Variants in PTPRD observed in about 807,000 individuals in gnomAD.
The protein encoded by PTPRD is receptor-type tyrosine-protein phosphatase delta.
Under a neutral mutation model 214.5 loss-of-function variants are expected in PTPRD, and 34 were observed. The ratio of observed to expected loss-of-function variants is 0.16; its 90% CI spans 0.12 to 0.21. PTPRD has a LOEUF of 0.21. Ranked by LOEUF, PTPRD falls within the 10% of genes least tolerant of loss-of-function variation. PTPRD has a pLI of 1.00. For synonymous variants in PTPRD, 1,128 were observed against 845.7 expected (o/e 1.33, Z -5.79); for missense variants, 2,545 against 2,398.7 (o/e 1.06, Z -1.27).
rs577129395 is a variant in PTPRD at position 10,552,956 on chromosome 9, T to C, written c.-600+59442A>G. 3.3e-5 allele frequency among the ~76,000 whole-genome samples: 5 copies of C among 152,318 alleles called. 1 individual carries two copies. The East Asian group carries it at 9.7e-4, about 29-fold the overall frequency. On this transcript the variant is annotated intron_variant, in intron 2 of 45. Transcript: ENST00000381196. Reference sequence around the variant, plus strand: ...ACGTTGCTTGATATAGTAGTCTTGATGATGGAGTTTATGATGACTATTTGT... The same window carrying C: ...ACGTTGCTTGATATAGTAGTCTTGACGATGGAGTTTATGATGACTATTTGT...
chr9:8,927,984 G>T (rs760808406), intron 11 of PTPRD, among the ~76,000 whole-genome samples: 4 of 151,762 alleles, frequency 2.6e-5, no homozygotes, highest in Non-Finnish European at 5.9e-5. Context: ...TTTCATATTT[G>T]TTGGCCACAT....
chr9:9,798,082 G>C (rs1463393981), intron 5 of PTPRD, among the ~76,000 whole-genome samples: 1 of 152,048 alleles, frequency 6.6e-6, no homozygotes, highest in Non-Finnish European at 1.5e-5. Flanking sequence ...ACAAGGAAGG[G>C]AAATAAAACA....
intron 11 of PTPRD, among the ~76,000 whole-genome samples, chr9:8,929,783 G>A (rs1211203965): frequency 4.3e-5 from 5 of 116,046 alleles, no homozygotes; most frequent in African/African-American, 1.9e-4. Flanking sequence ...ATATATGGGT[G>A]TGTATATATG....
intron 3 of PTPRD, among the ~76,000 whole-genome samples, chr9:10,038,711 A>G (rs1470231800): frequency 6.6e-6 from 1 of 152,096 alleles, no homozygotes; most frequent in Non-Finnish European, 1.5e-5. Flanking sequence ...CAGTTGCACA[A>G]ATCAGATAAT....
At chr9:10,171,815 G>A (rs1479626919) in intron 3 of PTPRD, among the ~76,000 whole-genome samples, 2 of 152,164 alleles carry the variant, frequency 1.3e-5, no homozygotes, top group African/African-American at 4.8e-5. Flanking sequence ...GAGCCACCGC[G>A]CCTGGCCTGG....
At chr9:9,670,864 G>A (rs990054354) in intron 7 of PTPRD, among the ~76,000 whole-genome samples, 1 of 152,160 alleles carries the variant, frequency 6.6e-6, no homozygotes, top group African/African-American at 2.4e-5. Context: ...TTGTTGCAGG[G>A]GCAGTGCACT....
chr9:8,776,348 G>C (rs1188341905), intron 11 of PTPRD, among the ~76,000 whole-genome samples: 1 of 152,148 alleles, frequency 6.6e-6, no homozygotes, highest in Non-Finnish European at 1.5e-5. Context: ...CATCGCCCAG[G>C]CTGGAGTGCA....
chr9:10,022,796 T>TA (rs1306668347), intron 4 of PTPRD, among the ~76,000 whole-genome samples: 1 of 152,214 alleles, frequency 6.6e-6, no homozygotes, highest in Non-Finnish European at 1.5e-5. Flanking sequence ...ATTCCCATTT[T>TA]AAAAATGATT....
At chr9:9,889,458 C>A (rs1216508994) in intron 5 of PTPRD, among the ~76,000 whole-genome samples, 1 of 152,004 alleles carries the variant, frequency 6.6e-6, no homozygotes, top group African/African-American at 2.4e-5. Flanking sequence ...GGAGGCAACT[C>A]CTACACTGAG....
chr9:10,020,356 C>A (rs1304435714), intron 4 of PTPRD, among the ~76,000 whole-genome samples: 4 of 150,318 alleles, frequency 2.7e-5, no homozygotes, highest in Admixed American at 6.7e-5. Flanking sequence ...GGCTGGAGTG[C>A]AGTGGCATGA....
chr9:8,729,916 C>T (rs902887132), intron 12 of PTPRD, among the ~76,000 whole-genome samples: 3 of 152,128 alleles, frequency 2.0e-5, no homozygotes, highest in Non-Finnish European at 4.4e-5. Flanking sequence ...GATATAATAC[C>T]AAAGGGGTTT....
At chr9:8,531,891 C>T (rs954231601) in intron 14 of PTPRD, among the ~76,000 whole-genome samples, 6 of 152,078 alleles carry the variant, frequency 3.9e-5, no homozygotes, top group East Asian at 1.9e-4. Context: ...TGGGGATAGC[C>T]GACAAAATTG....
chr9:8,830,797 G>A (rs907892974), intron 11 of PTPRD, among the ~76,000 whole-genome samples: 4 of 152,150 alleles, frequency 2.6e-5, no homozygotes, highest in Admixed American at 6.5e-5. Context: ...AAGGGCATAC[G>A]TGATGGTGAA....
At position 9,241,975 on chromosome 9, in the gene PTPRD, G is replaced by C. The variant is rs1450879825; in HGVS notation, c.-202-58612C>G. The stretch of plus-strand genomic sequence containing the variant: ...TACAATTTGGCATGTTTTTGCAGTG[G>C]CTGGTACCGGTTGTTCATTTCCATG... On this transcript the variant is annotated intron_variant, in intron 9 of 45. Transcript: ENST00000381196. Among the ~76,000 whole-genome samples the C allele has an allele frequency of 2.6e-5, 4 of 152,022 alleles. No individual in the cohort carries two copies. The East Asian group carries it at 7.8e-4, about 30-fold the overall frequency.
At position 10,057,397 on chromosome 9, in the gene PTPRD, C is replaced by T. The variant is rs557474713; in HGVS notation, c.-544-23607G>A. On this transcript the variant is annotated intron_variant, in intron 3 of 45. Transcript: ENST00000381196. Reference sequence around the variant, plus strand: ...AGCCACCAGGGTATGGAAAGAAGCCCAGAGTTTAACAGCAGCATTAGCTGT... The same window carrying T: ...AGCCACCAGGGTATGGAAAGAAGCCTAGAGTTTAACAGCAGCATTAGCTGT... 2.0e-5 allele frequency among the ~76,000 whole-genome samples: 3 copies of T among 152,188 alleles called. No individual in the cohort carries two copies. In the South Asian group the frequency reaches 6.2e-4, roughly 32 times the overall value.
chr9:9,090,701 T>A (rs1344199402), intron 10 of PTPRD, among the ~76,000 whole-genome samples: 1 of 152,114 alleles, frequency 6.6e-6, no homozygotes, highest in African/African-American at 2.4e-5. Context: ...CTAAGTGAGG[T>A]AAAACTAATG....
chr9:9,222,954 C>G (rs930969485), intron 9 of PTPRD, among the ~76,000 whole-genome samples: 3 of 151,992 alleles, frequency 2.0e-5, no homozygotes, highest in African/African-American at 7.2e-5. Context: ...TAATTATTAG[C>G]TAAACTGCAA....
intron 3 of PTPRD, among the ~76,000 whole-genome samples, chr9:10,133,603 T>C (rs962230350): frequency 2.6e-5 from 4 of 152,132 alleles, no homozygotes; most frequent in Non-Finnish European, 4.4e-5. Context: ...AAATAACTAA[T>C]GACTATATAG....
At chr9:8,527,891 C>T (rs150047330) in intron 15 of PTPRD, among the ~76,000 whole-genome samples, 22 of 152,196 alleles carry the variant, frequency 1.4e-4, no homozygotes, top group Non-Finnish European at 2.9e-4. Flanking sequence ...CCTTGACGGG[C>T]GCACACTACT....
Sources: allele counts gnomAD v4.1 joint callset (sites outside exome capture counted in the v4.1 genomes callset), GRCh38; gene constraint gnomAD v4.1.1; transcripts MANE v1.5; gene names NCBI Gene and HGNC (gene_info 2026-07-23, HGNC 2026-07-21).